The following KMT2B variants were observed in gnomAD, a reference collection of about 807,000 sequenced individuals.
KMT2B encodes the protein lysine methyltransferase 2B.
Under a neutral mutation model 255.3 loss-of-function variants are expected in KMT2B, and 22 were observed. The ratio of observed to expected loss-of-function variants is 0.09; its 90% CI spans 0.06 to 0.12. The LOEUF is 0.12. Among genes scored for constraint, KMT2B ranks in the 10% least tolerant of loss-of-function variants. The probability of loss-of-function intolerance (pLI) is 1.00; values close to 1 mark genes in which losing one functional copy is unlikely to be tolerated. For synonymous variants in KMT2B, 1,730 were observed against 1,498.1 expected, an observed-to-expected ratio of 1.15 and a Z score of -3.57; for missense variants, 3,149 against 3,737.0, an observed-to-expected ratio of 0.84 and a Z score of 4.10.
Position 35,727,323 on chromosome 19 carries a change from C to T in KMT2B, c.4117+54C>T, listed in dbSNP as rs1373573641. Reference sequence around the variant, plus strand: ...CCTCAACCCTGTGGGGACCCCTGCCCCCACCACAGGCCCCAAGAGGACTGG... The same window carrying T: ...CCTCAACCCTGTGGGGACCCCTGCCTCCACCACAGGCCCCAAGAGGACTGG... On this transcript the variant is annotated intron_variant, in intron 15 of 36. Transcript: ENST00000420124. This position sits in a 1 kb window ranked among gnomAD's most constrained non-coding sequence, Gnocchi z 4.2. The T allele has an allele frequency of 1.9e-6, 3 of 1,573,904 alleles. No individual in the cohort carries two copies. The highest frequency in any genetic ancestry group is 2.2e-5 in the East Asian group (1 of 44,676).
In KMT2B at chr19:35,723,324, C is replaced by T; in HGVS notation, c.3002+50C>T. ...TTCCCGTGGTTGTTGGTCCCCTAGGCTTCCTACCTCACTCCTCTTCTGCCT... is the reference window on the plus strand; with the variant it reads ...TTCCCGTGGTTGTTGGTCCCCTAGGTTTCCTACCTCACTCCTCTTCTGCCT... On this transcript the variant is annotated intron_variant, in intron 6 of 36. Transcript: ENST00000420124. The surrounding 1 kb of genome is among the most constrained non-coding windows in gnomAD (Gnocchi z 7.5). 1 of 1,585,982 alleles carries T rather than the reference C, an allele frequency of 6.3e-7. No homozygotes were observed. Among genetic ancestry groups the T allele is most frequent in the Non-Finnish European group, 8.6e-7 (1 of 1,162,416 alleles).
chr19:35,738,279 C>T lies in KMT2B; in HGVS notation c.7873-3C>T. The stretch of plus-strand genomic sequence containing the variant: ...ACCTGATCTCCCCACCTCATCCCTG[C>T]AGGGCATCGGGTGCTATATGTTCCG... On this transcript the variant is annotated splice_polypyrimidine_tract_variant and splice_region_variant and intron_variant, in intron 36 of 36. Coordinates refer to ENST00000420124, the MANE Select transcript of KMT2B (RefSeq NM_014727.3). The surrounding 1 kb of genome is among the most constrained non-coding windows in gnomAD (Gnocchi z 8.7). 6.2e-7 allele frequency: 1 copy of T among 1,613,480 alleles called. No individual in the cohort carries two copies. Among genetic ancestry groups the T allele is most frequent in the Non-Finnish European group, 8.5e-7 (1 of 1,179,594 alleles).
rs773604061 is a variant in KMT2B at position 35,728,058 on chromosome 19, G to A, written c.4498-40G>A. The A allele has an allele frequency of 8.3e-6, 13 of 1,570,140 alleles. No individual in the cohort carries two copies. The East Asian group carries it at 3.1e-4, about 37-fold the overall frequency. ...GACCCTGCCCCTGCCAGCTCTCCTG[G>A]GGAAGCTGGCTCTTCTCATCCTGTT... On this transcript the variant is annotated intron_variant, in intron 18 of 36. Coordinates refer to ENST00000420124, the MANE Select transcript of KMT2B (RefSeq NM_014727.3).
chr19:35,736,873 CA>C, intron 31 of KMT2B, 38 bp from the exon 32 acceptor site: 2 of 1,613,892 alleles, frequency 1.2e-6, no homozygotes, highest in Non-Finnish European at 1.7e-6. Context: ...GTCCATAAAA[CA>C]CCATCCTGAC....
chr19:35,730,229 T>A, intron 23 of KMT2B, 104 bp downstream of exon 23: 1 of 1,595,652 alleles, frequency 6.3e-7, no homozygotes, highest in South Asian at 1.1e-5. Context: ...TCTCAGTGTC[T>A]CCTCATCTGT....
chr19:35,722,019 T>A (rs865971767), intron 3 of KMT2B, among the ~76,000 whole-genome samples: 17 of 123,860 alleles, frequency 1.4e-4, no homozygotes, highest in Middle Eastern at 3.9e-3. Context: ...TTTTTTTTTT[T>A]ATTTTTGAGA....
chr19:35,738,771 G>T lies in KMT2B; in HGVS notation c.*214G>T. ...TTCTGCCCTGGGGGCCCAGGATGTA[G>T]ATATTGTACAAAGGTTTCTAAATCC... is the stretch of plus-strand genomic sequence containing the variant. On this transcript the variant is annotated 3_prime_UTR_variant, in exon 37 of 37. Transcript: ENST00000420124. The surrounding 1 kb of genome is among the most constrained non-coding windows in gnomAD (Gnocchi z 8.7). The T allele has an allele frequency of 1.7e-6, 1 of 601,010 alleles. No individual in the cohort carries two copies. The highest frequency in any genetic ancestry group is 2.1e-5 in the South Asian group (1 of 47,146). 37.2% of individuals were successfully genotyped at this position (601,010 alleles called of 1,614,324 possible). A position where few individuals can be genotyped will look rare whatever the true frequency, so the allele number is the denominator to read the frequency against.
In KMT2B at chr19:35,725,014, C is replaced by T. The variant is rs758692304; in HGVS notation, c.3455C>T (p.Ala1152Val). Residue 1152 changes from alanine to valine, a missense_variant, in exon 10 of 37, where the codon GCT becomes GTT. This residue lies in a region of KMT2B where 136 missense variants were observed against 137.3 expected (regional missense o/e 0.99). Coordinates refer to ENST00000420124, the MANE Select transcript of KMT2B (RefSeq NM_014727.3). The surrounding 1 kb of genome is among the most constrained non-coding windows in gnomAD (Gnocchi z 4.1). ...GATGCTTTGGCCCCTGGCCCCTTTGCTTCTTTTCCCAATGGCTGGACTGGA... is the reference window on the plus strand; with the variant it reads ...GATGCTTTGGCCCCTGGCCCCTTTGTTTCTTTTCCCAATGGCTGGACTGGA... ...DKDALAPGPF[A>V]SFPNGWTGKQ... 2 of 1,613,624 alleles carry T rather than the reference C, an allele frequency of 1.2e-6. No homozygotes were observed. Among genetic ancestry groups the T allele is most frequent in the Non-Finnish European group, 1.7e-6 (2 of 1,179,658 alleles).
In KMT2B at chr19:35,732,714, C is replaced by A. The variant is rs759251601; in HGVS notation, c.6165C>A (p.Ala2055=). 2.5e-6 allele frequency: 4 copies of A among 1,609,864 alleles called. No individual in the cohort carries two copies. In the East Asian group the frequency reaches 8.9e-5, roughly 36 times the overall value. The change falls in exon 28 of 37, where the codon GCC becomes GCA. Residue 2055 remains alanine (A), a synonymous_variant. Coordinates refer to ENST00000420124, the MANE Select transcript of KMT2B (RefSeq NM_014727.3). ...TGGCCCCCAGCGCTACCCCTGGAGC[C>A]CCCCGCATTGAACAGCTGGACGGCG... ...PGLAPSATPG[A]PRIEQLDGVD... is the part of the protein sequence containing the mutation.
At position 35,737,253 on chromosome 19, in the gene KMT2B, G is replaced by T; in HGVS notation, c.7540G>T (p.Val2514Phe). The change falls in exon 33 of 37, where the codon GTC becomes TTC. Residue 2514 changes from valine (V) to phenylalanine (F), a missense_variant. Val to Phe is a conservative substitution (Grantham distance 50, BLOSUM62 -1). Coordinates refer to ENST00000420124, the MANE Select transcript of KMT2B (RefSeq NM_014727.3). The surrounding 1 kb of genome is among the most constrained non-coding windows in gnomAD (Gnocchi z 5.3). ...LNPHGAARAE[V>F]YLRKCTFDMF... is the part of the protein sequence containing the mutation. ...TCCCCATGGGGCTGCTCGGGCAGAG[G>T]TCTATCTCCGGTGAGAGGTCTGGGG... is the stretch of plus-strand genomic sequence containing the variant. 1 of 1,528,694 alleles carries T rather than the reference G, an allele frequency of 6.5e-7. No individual in the cohort carries two copies. 94.7% of individuals were successfully genotyped at this position (1,528,694 alleles called of 1,614,324 possible). A position where few individuals can be genotyped will look rare whatever the true frequency, so the allele number is the denominator to read the frequency against.
rs1969169816 is a variant in KMT2B, at chr19:35,720,945, G to C, written c.1598G>C (p.Ser533Thr). 1 of 1,611,956 alleles carries C rather than the reference G, an allele frequency of 6.2e-7. No individual in the cohort carries two copies. The highest frequency in any genetic ancestry group is 1.3e-5 in the African/African-American group (1 of 74,714). Residue 533 changes from serine (S) to threonine (T), a missense_variant, in exon 3 of 37, where the codon AGT (serine) becomes ACT (threonine). This residue lies in a region of KMT2B where 1,188 missense variants were observed against 1,106.4 expected (regional missense o/e 1.07). Transcript: ENST00000420124. ...CGGCAGTTTATTATGCCTGTGGTGA[G>C]TGCCCGCTCCTCCCGTGTCATCAAG... is the stretch of plus-strand genomic sequence containing the variant. ...NIRQFIMPVV[S>T]ARSSRVIKTP...
In KMT2B at chr19:35,738,108, G is replaced by C; in HGVS notation, c.7789G>C (p.Ala2597Pro). Residue 2597 changes from alanine (A) to proline (P), a missense_variant, in exon 36 of 37, where the codon GCG (alanine) becomes CCG (proline). Around this residue, in one of 18 missense-constraint regions of KMT2B, gnomAD observed 56 missense variants for 238.8 expected, o/e 0.23. Transcript: ENST00000420124. The surrounding 1 kb of genome is among the most constrained non-coding windows in gnomAD (Gnocchi z 8.7). ...RGLFCKRNIDAGEMVIEYSGI... is the reference protein window; with the variant it reads ...RGLFCKRNIDPGEMVIEYSGI... ...CCTGTTCTGTAAGCGCAACATCGACGCGGGGGAGATGGTCATCGAGTACTC... is the reference window on the plus strand; with the variant it reads ...CCTGTTCTGTAAGCGCAACATCGACCCGGGGGAGATGGTCATCGAGTACTC... 6.2e-7 allele frequency: 1 copy of C among 1,613,852 alleles called. No individual in the cohort carries two copies. Among genetic ancestry groups the C allele is most frequent in the Non-Finnish European group, 8.5e-7 (1 of 1,179,870 alleles).
rs377636683 is a variant in KMT2B at position 35,732,879 on chromosome 19, A to G, written c.6330A>G (p.Pro2110=). 7.1e-4 allele frequency: 1,140 copies of G among 1,610,228 alleles called. 14 individuals carry two copies. The South Asian group carries it at 0.012, about 16-fold the overall frequency. The change falls in exon 28 of 37, where the codon CCA becomes CCG. Residue 2110 remains proline, a synonymous_variant. Transcript: ENST00000420124. ...GGGCCCGGCCTCCTGAGGACCTGCC[A>G]TCGGAAATTGTGGATTTTGTGTTGA... ...GDRARPPEDL[P]SEIVDFVLKN... is the part of the protein sequence containing the mutation.
rs1969992954 is a variant in KMT2B at position 35,738,100 on chromosome 19, A to G, written c.7781A>G (p.Asn2594Ser). 11 of 1,613,816 alleles carry G rather than the reference A, an allele frequency of 6.8e-6. No homozygotes were observed. The highest frequency in any genetic ancestry group is 9.3e-6 in the Non-Finnish European group (11 of 1,179,846). The change falls in exon 36 of 37, where the codon AAC becomes AGC. Residue 2594 changes from asparagine to serine, a missense_variant. Physicochemically the swap from Asn to Ser is conservative, Grantham distance 46 (BLOSUM62 1). This residue lies in a region of KMT2B where 56 missense variants were observed against 238.8 expected (regional missense o/e 0.23). Coordinates refer to ENST00000420124, the MANE Select transcript of KMT2B (RefSeq NM_014727.3). This position sits in a 1 kb window ranked among gnomAD's most constrained non-coding sequence, Gnocchi z 8.7. ...GGGCGAGGCCTGTTCTGTAAGCGCA[A>G]CATCGACGCGGGGGAGATGGTCATC... ...IHGRGLFCKR[N>S]IDAGEMVIEY...
chr19:35,718,317 G>A lies in KMT2B; in HGVS notation c.299G>A (p.Gly100Asp). The A allele has an allele frequency of 8.0e-7, 1 of 1,244,754 alleles. No homozygotes were observed. The highest frequency in any genetic ancestry group is 1.0e-6 in the Non-Finnish European group (1 of 986,926). The allele number at this position is 1,244,754 out of a possible 1,614,324, so 77.1% of individuals were successfully genotyped here. The change falls in exon 1 of 37, where the codon GGC (glycine) becomes GAC (aspartate). Residue 100 changes from glycine (G) to aspartate (D), a missense_variant. Gly to Asp is a moderately conservative substitution (Grantham distance 94). This residue lies in a region of KMT2B where 1,188 missense variants were observed against 1,106.4 expected (regional missense o/e 1.07). Transcript: ENST00000420124. This position sits in a 1 kb window ranked among gnomAD's most constrained non-coding sequence, Gnocchi z 5.0. ...QRGRGRGRGR[G>D]WGPSRGCVPE... ...GGCCGGGGACGGGGTCGGGGCCGGG[G>A]CTGGGGCCCGAGTCGAGGCTGCGTG...
Position 35,737,849 on chromosome 19 carries a change from C to T in KMT2B, c.7659-10C>T, listed in dbSNP as rs1395964852. On this transcript the variant is annotated splice_polypyrimidine_tract_variant and intron_variant, in intron 34 of 36. Coordinates refer to ENST00000420124, the MANE Select transcript of KMT2B (RefSeq NM_014727.3). The surrounding 1 kb of genome is among the most constrained non-coding windows in gnomAD (Gnocchi z 5.3). ...GCACCAGCCTGGGTGACACTGCTGT[C>T]CCTCACCAGACGTGCCACCAGCCTG... 6.4e-7 allele frequency: 1 copy of T among 1,563,762 alleles called. No individual in the cohort carries two copies. Among genetic ancestry groups the T allele is most frequent in the Non-Finnish European group, 8.7e-7 (1 of 1,153,200 alleles).
chr19:35,732,721 A>G lies in KMT2B; in HGVS notation c.6172A>G (p.Ile2058Val), dbSNP rs367918721. The G allele has an allele frequency of 3.1e-6, 5 of 1,610,448 alleles. No homozygotes were observed. The highest frequency in any genetic ancestry group is 1.3e-5 in the African/African-American group (1 of 74,982). The change falls in exon 28 of 37, where the codon ATT (isoleucine) becomes GTT (valine). Residue 2058 changes from isoleucine to valine, a missense_variant. Ile to Val is a conservative substitution (Grantham distance 29). Around this residue, in one of 18 missense-constraint regions of KMT2B, gnomAD observed 897 missense variants for 825.3 expected, o/e 1.09. Coordinates refer to ENST00000420124, the MANE Select transcript of KMT2B (RefSeq NM_014727.3). ...CAGCGCTACCCCTGGAGCCCCCCGC[A>G]TTGAACAGCTGGACGGCGTGGACGA... ...APSATPGAPR[I>V]EQLDGVDDGT...
chr19:35,737,462 G>A lies in KMT2B; in HGVS notation c.7551-174G>A, dbSNP rs536159370. On this transcript the variant is annotated intron_variant, in intron 33 of 36. Transcript: ENST00000420124. This position sits in a 1 kb window ranked among gnomAD's most constrained non-coding sequence, Gnocchi z 5.3. Reference sequence around the variant, plus strand: ...TTTGGGAGGCCGAGGCAGGAGGATCGCATGAGCCCAGGAGTTGGAGACCAG... The same window carrying A: ...TTTGGGAGGCCGAGGCAGGAGGATCACATGAGCCCAGGAGTTGGAGACCAG... The A allele has an allele frequency of 3.7e-5, 28 of 760,484 alleles. No individual in the cohort carries two copies. The East Asian group carries it at 6.3e-4, about 17-fold the overall frequency. The allele number at this position is 760,484 out of a possible 1,614,324, so 47.1% of individuals were successfully genotyped here.
rs994674066 is a variant in KMT2B, at chr19:35,732,113, C to T, written c.5643C>T (p.Ser1881=). The T allele has an allele frequency of 2.5e-6, 4 of 1,598,316 alleles. No individual in the cohort carries two copies. The highest frequency in any genetic ancestry group is 1.3e-5 in the African/African-American group (1 of 74,432). Reference sequence around the variant, plus strand: ...CCCGGAGGCCCTTGGGGGGTGTCTCCTTTGGCCCCCTGCCCTCCCCTGGTG... The same window carrying T: ...CCCGGAGGCCCTTGGGGGGTGTCTCTTTTGGCCCCCTGCCCTCCCCTGGTG... ...SPSRRPLGGV[S]FGPLPSPGSP... is the part of the protein sequence containing the mutation. Residue 1881 remains serine, a synonymous_variant, in exon 27 of 37, where the codon TCC becomes TCT. Coordinates refer to ENST00000420124, the MANE Select transcript of KMT2B (RefSeq NM_014727.3).
Sources: allele counts gnomAD v4.1 joint callset (sites outside exome capture counted in the v4.1 genomes callset), GRCh38; gene constraint gnomAD v4.1.1; regional missense constraint gnomAD v4.1.1; non-coding constraint Gnocchi (gnomAD v3.1); transcripts MANE v1.5; gene names NCBI Gene and HGNC (gene_info 2026-07-23, HGNC 2026-07-21).